The following NCAM2 variants were observed in gnomAD, a reference collection of about 807,000 sequenced individuals.
The protein encoded by NCAM2 is neural cell adhesion molecule 2, also known as N-CAM-2.
Under a neutral mutation model 98.1 loss-of-function variants are expected in NCAM2, and 30 were observed. The observed-to-expected ratio is 0.31, with a 90% CI of 0.23 to 0.41. The LOEUF (loss-of-function observed/expected upper bound fraction) is 0.41. Ranked by LOEUF, NCAM2 falls within the 10% of genes least tolerant of loss-of-function variation. NCAM2 has a pLI of 1.00. For missense variants in NCAM2, 867 were observed against 1,005.8 expected, an observed-to-expected ratio of 0.86 and a Z score of 1.87; for synonymous variants, 368 against 342.4, an observed-to-expected ratio of 1.07 and a Z score of -0.83.
intron 5 of NCAM2, among the ~76,000 whole-genome samples, chr21:21,311,413 T>G (rs571910979): frequency 4.5e-4 from 65 of 145,216 alleles, no homozygotes; most frequent in African/African-American, 1.6e-3. Flanking sequence ...CAATCTCCGC[T>G]CACTGCAAGC....
rs560102715 is a variant in NCAM2, at chr21:21,310,878, T to C, written c.620-13505T>C. ...CAACCACCACTTCTTTCCCTGCCAT[T>C]ATAATTTTATCTTTTCCAGAGTGCC... On this transcript the variant is annotated intron_variant, in intron 5 of 17. Coordinates refer to ENST00000400546, the MANE Select transcript of NCAM2 (RefSeq NM_004540.5). Among the ~76,000 whole-genome samples the C allele has an allele frequency of 3.3e-5, 5 of 152,278 alleles. No homozygotes were observed. The South Asian group carries it at 1.0e-3, about 32-fold the overall frequency.
intron 1 of NCAM2, among the ~76,000 whole-genome samples, chr21:21,029,676 G>A (rs2064632165): frequency 1.3e-5 from 2 of 151,886 alleles, no homozygotes; most frequent in South Asian, 2.1e-4. Context: ...CTGTTGCCAG[G>A]CTGGAGTACA....
intron 8 of NCAM2, among the ~76,000 whole-genome samples, chr21:21,339,088 A>T (rs2074955909): frequency 6.6e-6 from 1 of 152,156 alleles, no homozygotes; most frequent in African/African-American, 2.4e-5. Flanking sequence ...TTTTCTACTT[A>T]GACAGGTGTC....
chr21:21,091,452 A>G (rs1390773466), intron 1 of NCAM2, among the ~76,000 whole-genome samples: 1 of 152,030 alleles, frequency 6.6e-6, no homozygotes, highest in Admixed American at 6.6e-5. Context: ...ATTAAAGTAC[A>G]TAGTGATTTT....
intron 1 of NCAM2, among the ~76,000 whole-genome samples, chr21:21,169,861 GGT>G (rs1371212160): frequency 6.6e-6 from 1 of 152,142 alleles, no homozygotes; most frequent in Non-Finnish European, 1.5e-5. Context: ...AGGAGTCTGA[GGT>G]GGGAGGATCG....
intron 6 of NCAM2, 28 bp downstream of exon 6, chr21:21,324,528 C>A: frequency 1.4e-6 from 2 of 1,448,762 alleles, no homozygotes; most frequent in Non-Finnish European, 1.9e-6. Flanking sequence ...CTCCCTCTGG[C>A]TTGTGTCCAT....
intron 1 of NCAM2, among the ~76,000 whole-genome samples, chr21:21,093,028 G>C (rs1374234903): frequency 5.6e-3 from 1 of 178 alleles, no homozygotes; most frequent in Admixed American, 0.071. Context: ...ATAAACTTTC[G>C]TCAAACCCCA....
intron 15 of NCAM2, among the ~76,000 whole-genome samples, chr21:21,499,128 A>T (rs1042368497): frequency 2.0e-5 from 3 of 152,246 alleles, no homozygotes; most frequent in South Asian, 2.1e-4. Context: ...TAATATTAAA[A>T]TTTTTAAAAA....
Position 21,389,651 on chromosome 21 carries a change from T to C in NCAM2, c.1195+15638T>C, listed in dbSNP as rs532134446. On this transcript the variant is annotated intron_variant, in intron 9 of 17. Coordinates refer to ENST00000400546, the MANE Select transcript of NCAM2 (RefSeq NM_004540.5). ...TTCTTCCTCCATGAGATCAGTTTTT[T>C]CAGCTCCCAAATATAAGTGAGAACA... is the stretch of plus-strand genomic sequence containing the variant. Among the ~76,000 whole-genome samples the C allele has an allele frequency of 1.1e-4, 16 of 152,302 alleles. No individual in the cohort carries two copies. In the South Asian group the frequency reaches 3.3e-3, roughly 32 times the overall value.
chr21:21,176,262 C>T (rs1330303831), intron 1 of NCAM2, among the ~76,000 whole-genome samples: 1 of 152,034 alleles, frequency 6.6e-6, no homozygotes, highest in Non-Finnish European at 1.5e-5. Context: ...CATTATAAGC[C>T]TGTATTGATA....
intron 16 of NCAM2, among the ~76,000 whole-genome samples, chr21:21,516,883 C>T (rs1988742942): frequency 6.6e-6 from 1 of 152,120 alleles, no homozygotes; most frequent in Admixed American, 6.6e-5. Context: ...TCTGTATCAT[C>T]TTTTTTCTCT....
chr21:21,125,848 A>G (rs2066810134), intron 1 of NCAM2, among the ~76,000 whole-genome samples: 1 of 151,496 alleles, frequency 6.6e-6, no homozygotes, highest in Non-Finnish European at 1.5e-5. Context: ...TTGAAACTGA[A>G]TGAACTTCAT....
chr21:20,998,586 A>G lies in NCAM2; in HGVS notation c.23A>G (p.Tyr8Cys), dbSNP rs192751071. The change falls in exon 1 of 18, where the codon TAC (tyrosine) becomes TGC (cysteine). Residue 8 changes from tyrosine (Y) to cysteine (C), a missense_variant. Coordinates refer to ENST00000400546, the MANE Select transcript of NCAM2 (RefSeq NM_004540.5). ...AACATGAGCCTCCTCCTCTCCTTCT[A>G]CCTGCTGGGGTTGCTTGTCAGTAGC... Reference protein sequence around the residue: MSLLLSFYLLGLLVSSGQ... With the variant: MSLLLSFCLLGLLVSSGQ... 13 of 1,613,960 alleles carry G rather than the reference A, an allele frequency of 8.1e-6. No individual in the cohort carries two copies. Among genetic ancestry groups the G allele is most frequent in the East Asian group, 6.7e-5 (3 of 44,836 alleles).
At chr21:21,276,324 T>C (rs2072726678) in intron 1 of NCAM2, among the ~76,000 whole-genome samples, 1 of 152,098 alleles carries the variant, frequency 6.6e-6, no homozygotes, top group Non-Finnish European at 1.5e-5. Flanking sequence ...AGTTAATAAA[T>C]ACTTATGAGT....
At chr21:21,097,548 A>G (rs139145323) in intron 1 of NCAM2, among the ~76,000 whole-genome samples, 139 of 151,790 alleles carry the variant, frequency 9.2e-4, no homozygotes, top group Middle Eastern at 6.8e-3. Flanking sequence ...TAGACTTGCT[A>G]TATTTTATAA....
chr21:21,122,002 G>C (rs563411365), intron 1 of NCAM2, among the ~76,000 whole-genome samples: 1 of 152,216 alleles, frequency 6.6e-6, no homozygotes, highest in Non-Finnish European at 1.5e-5. Flanking sequence ...ATGAGCTTCC[G>C]AATGAGCAGT....
At chr21:21,022,589 ATTCT>A (rs772120088) in intron 1 of NCAM2, among the ~76,000 whole-genome samples, 2 of 152,158 alleles carry the variant, frequency 1.3e-5, no homozygotes, top group Non-Finnish European at 2.9e-5. Context: ...ACACAGGCTA[ATTCT>A]TTGTGACCAC....
chr21:21,115,957 T>TTGTGTGTG (rs58824475), intron 1 of NCAM2, among the ~76,000 whole-genome samples: 42 of 147,276 alleles, frequency 2.9e-4, no homozygotes, highest in African/African-American at 8.6e-4. Flanking sequence ...CTCTGAGATT[T>TTGTGTGTG]TGTGTGTGTG....
At chr21:21,503,563 T>A (rs1987772596) in intron 15 of NCAM2, among the ~76,000 whole-genome samples, 1 of 151,942 alleles carries the variant, frequency 6.6e-6, no homozygotes, top group Non-Finnish European at 1.5e-5. Flanking sequence ...ATTTTCCATT[T>A]GATATTTTTG....
Sources: gnomAD v4.1 joint callset for allele counts (sites outside exome capture counted in the v4.1 genomes callset) on GRCh38, gnomAD v4.1.1 for gene constraint, MANE v1.5 for transcripts, NCBI Gene and HGNC (gene_info 2026-07-23, HGNC 2026-07-21) for gene names.